The following RYR1 variants were observed in gnomAD, a reference collection of about 807,000 sequenced individuals.
The protein encoded by RYR1 is central core disease of muscle.
Under a neutral mutation model 583.5 loss-of-function variants are expected in RYR1, and 342 were observed. That is an observed-to-expected ratio of 0.59 (90% CI 0.54 to 0.64). The LOEUF (loss-of-function observed/expected upper bound fraction) is 0.64. Among genes scored for constraint, RYR1 ranks in the 30% least tolerant of loss-of-function variants. The pLI, the probability that RYR1 is intolerant of heterozygous loss-of-function variation, is 0.00. For missense variants in RYR1, 6,032 were observed against 6,917.2 expected, an observed-to-expected ratio of 0.87 and a Z score of 4.54; for synonymous variants, 2,791 against 2,822.5, an observed-to-expected ratio of 0.99 and a Z score of 0.35.
At chr19:38,563,226 T>C (rs1290454998) in intron 90 of RYR1, among the ~76,000 whole-genome samples, 3 of 152,264 alleles carry the variant, frequency 2.0e-5, no homozygotes, top group Non-Finnish European at 4.4e-5. Context: ...CCATGTGGCC[T>C]TGGAGCACCT....
At chr19:38,480,772 TCTCA>T (rs1236589529) in intron 31 of RYR1, among the ~76,000 whole-genome samples, 1 of 152,116 alleles carries the variant, frequency 6.6e-6, no homozygotes, top group African/African-American at 2.4e-5. Flanking sequence ...TGAGACAATG[TCTCA>T]CTCTGTCACC....
In RYR1 at chr19:38,458,130, G is replaced by C. The variant is rs768718943; in HGVS notation, c.2005G>C (p.Glu669Gln). ...ATGGTACTTTGAGGTGATGGTGGAC[G>C]AGGTGACTCCATTTCTGACAGCTCA... ...SKWYFEVMVD[E>Q]VTPFLTAQAT... Residue 669 changes from glutamate to glutamine, a missense_variant, in exon 18 of 106, where the codon GAG (glutamate) becomes CAG (glutamine). By Grantham distance (29) the Glu-to-Gln change is conservative. Around this residue, in one of 11 missense-constraint regions of RYR1, gnomAD observed 2,627 missense variants for 2,961.3 expected, o/e 0.89. Coordinates refer to ENST00000359596, the MANE Select transcript of RYR1 (RefSeq NM_000540.3). 4.3e-6 allele frequency: 7 copies of C among 1,613,892 alleles called. No homozygotes were observed. Among genetic ancestry groups the C allele is most frequent in the East Asian group, 4.5e-5 (2 of 44,882 alleles).
chr19:38,586,413 G>A, intron 104 of RYR1, 112 bp from the exon 105 acceptor site: 1 of 1,203,448 alleles, frequency 8.3e-7, no homozygotes, highest in East Asian at 2.3e-5. Flanking sequence ...TTGAGGCCAG[G>A]AGTTCGAGAC....
In RYR1 at chr19:38,572,285, A is replaced by C. The variant is rs1284321655; in HGVS notation, c.13998+15A>C. The C allele has an allele frequency of 5.4e-6, 3 of 558,824 alleles. No individual in the cohort carries two copies. The highest frequency in any genetic ancestry group is 9.6e-6 in the Non-Finnish European group (3 of 313,004). 34.6% of individuals were successfully genotyped at this position (558,824 alleles called of 1,614,324 possible). On this transcript the variant is annotated intron_variant, in intron 95 of 105. Coordinates refer to ENST00000359596, the MANE Select transcript of RYR1 (RefSeq NM_000540.3). The stretch of plus-strand genomic sequence containing the variant: ...ATTGTCTCAAGGTGGGCCCATGGCC[A>C]TGGTTCTGGGGCAAGGGCTTATTGG...
chr19:38,477,895 A>C, intron 30 of RYR1, 25 bp downstream of exon 30: 5 of 641,648 alleles, frequency 7.8e-6, no homozygotes, highest in African/African-American at 2.2e-5. Flanking sequence ...GGGAGGTGGG[A>C]GGTGCAGGGT....
At chr19:38,548,008 C>T (rs1201072370) in intron 88 of RYR1, among the ~76,000 whole-genome samples, 1 of 152,112 alleles carries the variant, frequency 6.6e-6, no homozygotes, top group Non-Finnish European at 1.5e-5. Context: ...CCACCACGTC[C>T]GACCTGACAT....
At chr19:38,515,744 G>A (rs1028733338) in intron 64 of RYR1, among the ~76,000 whole-genome samples, 1 of 152,166 alleles carries the variant, frequency 6.6e-6, no homozygotes, top group East Asian at 1.9e-4. Context: ...TCCAGCCTGA[G>A]CAGCATAGGG....
At chr19:38,484,520 A>G (rs1423528280) in intron 33 of RYR1, among the ~76,000 whole-genome samples, 2 of 146,760 alleles carry the variant, frequency 1.4e-5, no homozygotes, top group Admixed American at 7.1e-5. Flanking sequence ...GGTCCCTCCT[A>G]TGTGCTAGGT....
rs770056150 is a variant in RYR1, at chr19:38,460,507, G to C, written c.2493G>C (p.Glu831Asp). 1 of 1,614,194 alleles carries C rather than the reference G, an allele frequency of 6.2e-7. No homozygotes were observed. The highest frequency in any genetic ancestry group is 8.5e-7 in the Non-Finnish European group (1 of 1,180,044). ...AACCCATCAAGGAGTATCGACGGGA[G>C]GGGCCCCGGGGGCCTCACCTGGTGG... is the stretch of plus-strand genomic sequence containing the variant. ...HLEPIKEYRR[E>D]GPRGPHLVGP... Residue 831 changes from glutamate (E) to aspartate (D), a missense_variant, in exon 20 of 106, where the codon GAG (glutamate) becomes GAC (aspartate). By Grantham distance (45) the Glu-to-Asp change is conservative. Transcript: ENST00000359596.
chr19:38,494,723 C>T, intron 39 of RYR1, 98 bp downstream of exon 39: 2 of 1,484,232 alleles, frequency 1.3e-6, no homozygotes, highest in East Asian at 2.3e-5. Context: ...CTGGCCCATC[C>T]TCTGGGTGAT....
At chr19:38,505,259 G>A (rs1475113494) in intron 52 of RYR1, 50 bp from the exon 53 acceptor site, 2 of 1,382,016 alleles carry the variant, frequency 1.4e-6, no homozygotes, top group Non-Finnish European at 2.0e-6. Context: ...GTCGCCCCGT[G>A]TGTCCCCAAC....
At chr19:38,527,828 A>G in intron 73 of RYR1, 44 bp downstream of exon 73, 1 of 1,601,972 alleles carries the variant, frequency 6.2e-7, no homozygotes. Flanking sequence ...CTCTGGGCGG[A>G]GCCTGGCGGG....
In RYR1 at chr19:38,468,987, A is replaced by G; in HGVS notation, c.3403A>G (p.Ser1135Gly). Residue 1135 changes from serine to glycine, a missense_variant, in exon 26 of 106, where the codon AGT (serine) becomes GGT (glycine). By Grantham distance (56) the Ser-to-Gly change is moderately conservative. Around this residue, in one of 11 missense-constraint regions of RYR1, gnomAD observed 2,627 missense variants for 2,961.3 expected, o/e 0.89. Coordinates refer to ENST00000359596, the MANE Select transcript of RYR1 (RefSeq NM_000540.3). ...GHRGQRWHLGSEPFGRPWQPG... is the reference protein window; with the variant it reads ...GHRGQRWHLGGEPFGRPWQPG... The stretch of plus-strand genomic sequence containing the variant: ...ACAGGGCCAGCGCTGGCACTTGGGC[A>G]GTGAACCATTTGGGCGCCCCTGGCA... The G allele has an allele frequency of 6.2e-7, 1 of 1,614,184 alleles. No individual in the cohort carries two copies. Among genetic ancestry groups the G allele is most frequent in the Non-Finnish European group, 8.5e-7 (1 of 1,180,030 alleles).
chr19:38,499,087 C>T lies in RYR1; in HGVS notation c.6892-21C>T, dbSNP rs995694510. On this transcript the variant is annotated intron_variant, in intron 42 of 105. Transcript: ENST00000359596. The surrounding 1 kb of genome is among the most constrained non-coding windows in gnomAD (Gnocchi z 7.3). ...AAGGTGGCATGGGTCTGGTCTCTGACTGAGCCCCTTCTGCCCCCAGGTTGT... is the reference window on the plus strand; with the variant it reads ...AAGGTGGCATGGGTCTGGTCTCTGATTGAGCCCCTTCTGCCCCCAGGTTGT... 8.1e-6 allele frequency: 13 copies of T among 1,613,424 alleles called. No individual in the cohort carries two copies. The highest frequency in any genetic ancestry group is 1.3e-5 in the African/African-American group (1 of 74,914).
intron 24 of RYR1, 105 bp downstream of exon 24, chr19:38,466,503 T>A: frequency 1.3e-4 from 46 of 351,144 alleles, no homozygotes; most frequent in Non-Finnish European, 1.8e-4. Flanking sequence ...GGCTATATCT[T>A]TTTTTTTTTT....
intron 64 of RYR1, 53 bp from the exon 65 acceptor site, chr19:38,516,034 C>G: frequency 6.5e-6 from 10 of 1,533,626 alleles, no homozygotes; most frequent in Non-Finnish European, 8.8e-6. Context: ...GGCTGGGACC[C>G]AGGACCCCAA....
Position 38,463,308 on chromosome 19 carries a change from G to A in RYR1, c.2578-115G>A, listed in dbSNP as rs1967886212. The A allele has an allele frequency of 4.9e-6, 4 of 817,324 alleles. No homozygotes were observed. The East Asian group carries it at 8.0e-5, about 16-fold the overall frequency. The allele number at this position is 817,324 out of a possible 1,614,324, so 50.6% of individuals were successfully genotyped here. A position where few individuals can be genotyped will look rare whatever the true frequency, so the allele number is the denominator to read the frequency against. On this transcript the variant is annotated intron_variant, in intron 20 of 105. Transcript: ENST00000359596. The stretch of plus-strand genomic sequence containing the variant: ...TGGGGAGCAGGGCTGCTGGATGGTG[G>A]GAAAGGGGGTGCTGGAGGAGCCTCC...
chr19:38,517,782 C>A (rs910566520), intron 66 of RYR1, 91 bp downstream of exon 66: 5 of 1,302,346 alleles, frequency 3.8e-6, no homozygotes, highest in African/African-American at 1.5e-5. Context: ...ATGGTCCCCT[C>A]GGAGTTGGGA....
At chr19:38,476,623 G>GC (rs770916107) in intron 29 of RYR1, among the ~76,000 whole-genome samples, 1 of 152,000 alleles carries the variant, frequency 6.6e-6, no homozygotes, top group Non-Finnish European at 1.5e-5. Flanking sequence ...GTGAGCCACC[G>GC]CGTTCGGCTG....
Sources: allele counts gnomAD v4.1 joint callset (sites outside exome capture counted in the v4.1 genomes callset), GRCh38; gene constraint gnomAD v4.1.1; regional missense constraint gnomAD v4.1.1; non-coding constraint Gnocchi (gnomAD v3.1); transcripts MANE v1.5; gene names NCBI Gene and HGNC (gene_info 2026-07-23, HGNC 2026-07-21).